Variants in RSPH1 observed in about 807,000 individuals in gnomAD.
The protein encoded by RSPH1 is radial spoke head component 1, also known as radial spoke head 1 homolog.
A neutral mutation model predicts 44.2 loss-of-function variants in RSPH1; 32 were observed. That is an observed-to-expected ratio of 0.72 (90% CI 0.55 to 0.97). The LOEUF is 0.97. Among genes scored for constraint, RSPH1 ranks in the 50% least tolerant of loss-of-function variants. The pLI is 0.00. For synonymous variants in RSPH1, 134 were observed against 147.3 expected (o/e 0.91, Z 0.65); for missense variants, 391 against 398.7 (o/e 0.98, Z 0.16).
chr21:42,473,864 C>T (rs1238837863), intron 8 of RSPH1, among the ~76,000 whole-genome samples: 1 of 152,178 alleles, frequency 6.6e-6, no homozygotes, highest in African/African-American at 2.4e-5. Context: ...ACCTCCCTCA[C>T]CAGCCTCCCA....
Position 42,476,716 on chromosome 21 carries a change from C to T in RSPH1, c.727+575G>A, listed in dbSNP as rs548845580. Reference sequence around the variant, plus strand: ...GGTGAGGGGATAAGGGTCCCCGAGACGCCACAGTGCTCCCCATGGAATGAA... The same window carrying T: ...GGTGAGGGGATAAGGGTCCCCGAGATGCCACAGTGCTCCCCATGGAATGAA... On this transcript the variant is annotated intron_variant, in intron 7 of 8. Transcript: ENST00000291536. 4.8e-4 allele frequency among the ~76,000 whole-genome samples: 73 copies of T among 152,206 alleles called. No individual in the cohort carries two copies. In the South Asian group the frequency reaches 9.7e-3, roughly 20 times the overall value.
chr21:42,494,861 G>A (rs111448193), intron 1 of RSPH1, among the ~76,000 whole-genome samples: 6 of 151,742 alleles, frequency 4.0e-5, no homozygotes, highest in Non-Finnish European at 5.9e-5. Flanking sequence ...CACCATGCCC[G>A]GCTAATTTTT....
intron 5 of RSPH1, among the ~76,000 whole-genome samples, chr21:42,483,161 G>A (rs1308309812): frequency 2.0e-5 from 3 of 151,584 alleles, no homozygotes; most frequent in African/African-American, 4.9e-5. Flanking sequence ...AATAACAGTT[G>A]CCACCTGGTA....
intron 2 of RSPH1, 41 bp from the exon 3 acceptor site, chr21:42,492,904 G>A (rs368393765): frequency 1.6e-4 from 246 of 1,580,876 alleles, no homozygotes; most frequent in Middle Eastern, 3.3e-4. Flanking sequence ...ATTGCTGAAT[G>A]TAGCATTTGC....
intron 6 of RSPH1, 140 bp from the exon 7 acceptor site, chr21:42,477,584 T>C: frequency 1.3e-6 from 1 of 779,428 alleles, no homozygotes; most frequent in Admixed American, 2.2e-5. Flanking sequence ...CACTCAGGAA[T>C]CAGACCAGTT....
Position 42,493,096 on chromosome 21 carries a change from G to A in RSPH1, c.55-17C>T, listed in dbSNP as rs752300947. 6.3e-7 allele frequency: 1 copy of A among 1,599,714 alleles called. No individual in the cohort carries two copies. The highest frequency in any genetic ancestry group is 8.6e-7 in the Non-Finnish European group (1 of 1,167,492). ...CTCATATTCCTGGGTAATGAAAATTGACACAATTACAGCTACCATTCATTA... is the reference window on the plus strand; with the variant it reads ...CTCATATTCCTGGGTAATGAAAATTAACACAATTACAGCTACCATTCATTA... On this transcript the variant is annotated splice_polypyrimidine_tract_variant and intron_variant, in intron 1 of 8. Transcript: ENST00000291536.
intron 1 of RSPH1, chr21:42,495,868 T>A (rs1006658446): frequency 6.1e-5 from 30 of 491,678 alleles, no homozygotes; most frequent in African/African-American, 5.4e-4. Context: ...CGCTGGGAAA[T>A]CTTTGCCTTT....
chr21:42,472,986 A>G, intron 8 of RSPH1, 116 bp from the exon 9 acceptor site: 1 of 677,022 alleles, frequency 1.5e-6, no homozygotes, highest in Non-Finnish European at 2.4e-6. Flanking sequence ...TTAAGCATTC[A>G]TCAGTCAAAA....
Position 42,472,599 on chromosome 21 carries a change from C to A in RSPH1, c.*219G>T. 4.9e-6 allele frequency: 2 copies of A among 405,142 alleles called. No homozygotes were observed. The highest frequency in any genetic ancestry group is 8.8e-6 in the Non-Finnish European group (2 of 228,176). 25.1% of individuals were successfully genotyped at this position (405,142 alleles called of 1,614,324 possible). On this transcript the variant is annotated 3_prime_UTR_variant, in exon 9 of 9. Transcript: ENST00000291536. The stretch of plus-strand genomic sequence containing the variant: ...AATAAAGATTGTTAACTGACAGAAG[C>A]ATTTTGTTTTTGTTTATTTTTTGAG...
At chr21:42,484,680 G>T (rs956409999) in intron 5 of RSPH1, 1 of 152,092 alleles carries the variant, frequency 6.6e-6, no homozygotes, top group Non-Finnish European at 1.5e-5. Flanking sequence ...TTTTTACCCC[G>T]ATTTTTCAGA....
intron 3 of RSPH1, among the ~76,000 whole-genome samples, chr21:42,491,895 G>T (rs2054239703): frequency 6.6e-6 from 1 of 152,220 alleles, no homozygotes; most frequent in African/African-American, 2.4e-5. Flanking sequence ...AGGCAAGGTT[G>T]CAGGTGTCTC....
chr21:42,478,277 C>A (rs1378763967), intron 6 of RSPH1, among the ~76,000 whole-genome samples: 1 of 152,244 alleles, frequency 6.6e-6, no homozygotes, highest in Non-Finnish European at 1.5e-5. Flanking sequence ...GGGGCAGACA[C>A]CTGCCTCTTC....
At position 42,472,578 on chromosome 21, in the gene RSPH1, A is replaced by C. The variant is rs776717443; in HGVS notation, c.*240T>G. 1.5e-4 allele frequency: 54 copies of C among 367,196 alleles called. No individual in the cohort carries two copies. Among genetic ancestry groups the C allele is most frequent in the South Asian group, 3.8e-4 (6 of 15,706 alleles). The allele number at this position is 367,196 out of a possible 1,614,324, so 22.7% of individuals were successfully genotyped here. ...AAGAAAGACTAAAAACCCTCTAATA[A>C]AGATTGTTAACTGACAGAAGCATTT... is the stretch of plus-strand genomic sequence containing the variant. On this transcript the variant is annotated 3_prime_UTR_variant, in exon 9 of 9. Coordinates refer to ENST00000291536, the MANE Select transcript of RSPH1 (RefSeq NM_080860.4).
chr21:42,473,712 C>G (rs761575911), intron 8 of RSPH1, among the ~76,000 whole-genome samples: 11 of 152,274 alleles, frequency 7.2e-5, no homozygotes, highest in Middle Eastern at 3.4e-3. Flanking sequence ...GTTCTGCCGA[C>G]TAAGCCTATT....
chr21:42,489,975 T>C (rs2054220148), intron 3 of RSPH1, among the ~76,000 whole-genome samples: 1 of 152,180 alleles, frequency 6.6e-6, no homozygotes, highest in Non-Finnish European at 1.5e-5. Context: ...TTTTGATGAG[T>C]TCTGTTTGAC....
At chr21:42,482,493 T>G (rs1169323854) in intron 6 of RSPH1, 144 bp downstream of exon 6, 3 of 613,164 alleles carry the variant, frequency 4.9e-6, no homozygotes, top group Non-Finnish European at 8.7e-6. Flanking sequence ...TACTAACACA[T>G]GCAGATAAGG....
intron 6 of RSPH1, among the ~76,000 whole-genome samples, chr21:42,480,920 C>T (rs554990232): frequency 1.1e-4 from 16 of 152,132 alleles, no homozygotes; most frequent in South Asian, 4.2e-4. Flanking sequence ...CCCAAGGTGA[C>T]GAGGAGTCGG....
Position 42,474,218 on chromosome 21 carries a change from A to G in RSPH1, c.878-1348T>C, listed in dbSNP as rs959348889. Among the ~76,000 whole-genome samples, 2 of 152,138 alleles carry G rather than the reference A, an allele frequency of 1.3e-5. No homozygotes were observed. The highest frequency in any genetic ancestry group is 2.9e-5 in the Non-Finnish European group (2 of 68,010). On this transcript the variant is annotated intron_variant, in intron 8 of 8. Transcript: ENST00000291536. This position sits in a 1 kb window ranked among gnomAD's most constrained non-coding sequence, Gnocchi z 5.2. ...GGGCTCAGGATCAAGTTCAAAGGCC[A>G]TCTGGTTCCAAGGGAAAGGGGCCAC...
intron 6 of RSPH1, 78 bp downstream of exon 6, chr21:42,482,559 C>A: frequency 9.3e-7 from 1 of 1,077,008 alleles, no homozygotes; most frequent in East Asian, 2.5e-5. Context: ...CGAATCACCT[C>A]CAACCTTGCA....
Sources: allele counts gnomAD v4.1 joint callset (sites outside exome capture counted in the v4.1 genomes callset), GRCh38; gene constraint gnomAD v4.1.1; non-coding constraint Gnocchi (gnomAD v3.1); transcripts MANE v1.5; gene names NCBI Gene and HGNC (gene_info 2026-07-23, HGNC 2026-07-21).